The following ULK4 variants were observed in gnomAD, a reference collection of about 807,000 sequenced individuals.
ULK4 encodes unc-51 like kinase 4, also known as inactive serine/threonine-protein kinase ULK4.
ULK4 carries 133 observed loss-of-function variants against 160.6 expected under a neutral mutation model. That is an observed-to-expected ratio of 0.83 (90% confidence interval 0.72 to 0.96). The LOEUF is 0.96. ULK4 is among the 40% of genes least tolerant of loss of function. The pLI, the probability that ULK4 is intolerant of heterozygous loss-of-function variation, is 0.00. For missense variants in ULK4, 1,580 were observed against 1,499.5 expected (o/e 1.05, Z -0.89); for synonymous variants, 534 against 539.8 (o/e 0.99, Z 0.15).
At chr3:41,734,473 T>C (rs2037952174) in intron 22 of ULK4, among the ~76,000 whole-genome samples, 1 of 152,088 alleles carries the variant, frequency 6.6e-6, no homozygotes, top group African/African-American at 2.4e-5. Flanking sequence ...GTTAAGATAA[T>C]ATAAGCCTGA....
intron 25 of ULK4, among the ~76,000 whole-genome samples, chr3:41,710,011 C>T (rs2037037800): frequency 6.6e-6 from 1 of 152,110 alleles, no homozygotes; most frequent in Non-Finnish European, 1.5e-5. Context: ...AGCACTGCTT[C>T]CTTTGGGAAC....
At chr3:41,511,827 A>G (rs918533051) in intron 32 of ULK4, among the ~76,000 whole-genome samples, 16 of 152,194 alleles carry the variant, frequency 1.1e-4, no homozygotes, top group Non-Finnish European at 2.2e-4. Context: ...AGGAAAGGAC[A>G]TAACAAAAAA....
intron 18 of ULK4, among the ~76,000 whole-genome samples, chr3:41,826,255 G>A (rs1039008090): frequency 2.6e-5 from 4 of 152,068 alleles, no homozygotes; most frequent in African/African-American, 7.2e-5. Flanking sequence ...ATCAACTAAC[G>A]AGCAAAATAA....
chr3:41,786,646 T>C (rs1034112215), intron 21 of ULK4, among the ~76,000 whole-genome samples: 1 of 151,876 alleles, frequency 6.6e-6, no homozygotes, highest in African/African-American at 2.4e-5. Flanking sequence ...GTAAATTTTT[T>C]AATTGTTAAT....
chr3:41,955,018 C>T (rs1398135700), intron 1 of ULK4, among the ~76,000 whole-genome samples: 4 of 152,156 alleles, frequency 2.6e-5, no homozygotes, highest in Admixed American at 2.6e-4. Flanking sequence ...ACAGCCGGCG[C>T]AGTGGCTCAC....
At chr3:41,897,609 T>A (rs1330756607) in intron 14 of ULK4, among the ~76,000 whole-genome samples, 1 of 152,170 alleles carries the variant, frequency 6.6e-6, no homozygotes, top group Non-Finnish European at 1.5e-5. Flanking sequence ...AGGGAAATAG[T>A]ATTTCCAGGT....
intron 32 of ULK4, among the ~76,000 whole-genome samples, chr3:41,540,317 A>C (rs1361304723): frequency 6.6e-6 from 1 of 152,134 alleles, no homozygotes; most frequent in South Asian, 2.1e-4. Flanking sequence ...GATAGTTTGC[A>C]GAGAACGATG....
intron 12 of ULK4, among the ~76,000 whole-genome samples, chr3:41,903,025 T>TA (rs1336140424): frequency 6.6e-6 from 1 of 152,100 alleles, no homozygotes; most frequent in Non-Finnish European, 1.5e-5. Flanking sequence ...GGGGACCAGT[T>TA]AGCAGGTTAC....
intron 35 of ULK4, among the ~76,000 whole-genome samples, chr3:41,299,983 T>A (rs2079750066): frequency 6.6e-6 from 1 of 152,166 alleles, no homozygotes; most frequent in Admixed American, 6.5e-5. Context: ...CAAGTCAAGG[T>A]TATTAACAGC....
chr3:41,435,140 A>C (rs540984126), intron 34 of ULK4, among the ~76,000 whole-genome samples: 1 of 152,360 alleles, frequency 6.6e-6, no homozygotes, highest in East Asian at 1.9e-4. Context: ...CAAAGACAGA[A>C]ATAGCTTAAG....
intron 32 of ULK4, among the ~76,000 whole-genome samples, chr3:41,525,967 T>G (rs1349425497): frequency 1.1e-4 from 17 of 152,192 alleles, no homozygotes. Context: ...TCAGTTGTGC[T>G]TATTTGGTCT....
chr3:41,476,459 G>A, intron 32 of ULK4, among the ~76,000 whole-genome samples: 1 of 152,122 alleles, frequency 6.6e-6, no homozygotes. Context: ...TATTGCCAAG[G>A]CTGTGTTCTC....
chr3:41,897,298 T>C (rs1698194045), intron 14 of ULK4, among the ~76,000 whole-genome samples: 1 of 152,150 alleles, frequency 6.6e-6, no homozygotes, highest in African/African-American at 2.4e-5. Context: ...AATGCAAAGT[T>C]CAATACAACT....
chr3:41,755,081 TATAA>T (rs2038756263), intron 21 of ULK4, among the ~76,000 whole-genome samples: 1 of 152,198 alleles, frequency 6.6e-6, no homozygotes. Context: ...AAAGACAGAC[TATAA>T]ATAATTTCTA....
chr3:41,742,374 G>C (rs936727327), intron 22 of ULK4, among the ~76,000 whole-genome samples: 2 of 151,950 alleles, frequency 1.3e-5, no homozygotes, highest in African/African-American at 4.9e-5. Context: ...TGCTGTGACA[G>C]TATTAAGGTG....
intron 17 of ULK4, among the ~76,000 whole-genome samples, chr3:41,881,149 G>A (rs1697501852): frequency 6.6e-6 from 1 of 152,052 alleles, no homozygotes; most frequent in Non-Finnish European, 1.5e-5. Flanking sequence ...GGGGTTCCCA[G>A]ATCCCCTAAA....
At chr3:41,444,493 T>C (rs115563770) in intron 34 of ULK4, among the ~76,000 whole-genome samples, 135 of 152,272 alleles carry the variant, frequency 8.9e-4, no homozygotes, top group African/African-American at 3.1e-3. Context: ...TGCCCAATTC[T>C]CACATCAGTG....
At chr3:41,872,979 C>T (rs1413516356) in intron 17 of ULK4, among the ~76,000 whole-genome samples, 1 of 151,966 alleles carries the variant, frequency 6.6e-6, no homozygotes, top group Non-Finnish European at 1.5e-5. Context: ...ATGGTGAAAC[C>T]CCATCTCTAC....
Position 41,918,459 on chromosome 3 carries a change from T to A in ULK4, c.725A>T (p.Lys242Ile). The A allele has an allele frequency of 6.4e-7, 1 of 1,570,832 alleles. No individual in the cohort carries two copies. The highest frequency in any genetic ancestry group is 8.6e-7 in the Non-Finnish European group (1 of 1,157,604). The change falls in exon 7 of 37, where the codon AAA becomes ATA. Residue 242 changes from lysine (K) to isoleucine (I), a missense_variant and splice_region_variant. Coordinates refer to ENST00000301831, the MANE Select transcript of ULK4 (RefSeq NM_017886.4). The stretch of plus-strand genomic sequence containing the variant: ...CCATTTATCATAAGAAATCTTACCT[T>A]TCGGAATAGGTGGCAAAGGATCTTC... ...LCEDPLPPIPKDSSRPKASSD... is the reference protein window; with the variant it reads ...LCEDPLPPIPIDSSRPKASSD...
Sources: gnomAD v4.1 joint callset for allele counts (sites outside exome capture counted in the v4.1 genomes callset) on GRCh38, gnomAD v4.1.1 for gene constraint, MANE v1.5 for transcripts, NCBI Gene and HGNC (gene_info 2026-07-23, HGNC 2026-07-21) for gene names.